LAMA5: variants seen among roughly 807,000 people sequenced by gnomAD.
LAMA5 encodes the protein laminin subunit alpha-5.
A neutral mutation model predicts 433.4 loss-of-function variants in LAMA5; 260 were observed. The observed-to-expected ratio is 0.60, with a 90% CI of 0.54 to 0.66. LAMA5 has a LOEUF of 0.66. Among genes scored for constraint, LAMA5 ranks in the 30% least tolerant of loss-of-function variants. LAMA5 has a pLI of 0.00. For synonymous variants in LAMA5, 2,620 were observed against 2,226.6 expected, an observed-to-expected ratio of 1.18 and a Z score of -4.97; for missense variants, 5,378 against 5,258.5, an observed-to-expected ratio of 1.02 and a Z score of -0.70.
chr20:62,323,503 C>A lies in LAMA5; in HGVS notation c.6017G>T (p.Cys2006Phe). 2 of 1,561,308 alleles carry A rather than the reference C, an allele frequency of 1.3e-6. No individual in the cohort carries two copies. Among genetic ancestry groups the A allele is most frequent in the Non-Finnish European group, 1.7e-6 (2 of 1,155,424 alleles). The change falls in exon 45 of 80, where the codon TGT becomes TTT. Residue 2006 changes from cysteine to phenylalanine, a missense_variant. Cys to Phe is a radical substitution (Grantham distance 205). Transcript: ENST00000252999. ...GGCGTTGCCGTAGAAGCCGGGGGCA[C>A]AGATCTCGCAGCGGGGCCCAGTGGT... ...RHTTGPRCEI[C>F]APGFYGNALL...
chr20:62,350,411 CT>C (rs1984109951), intron 6 of LAMA5, among the ~76,000 whole-genome samples: 1 of 152,146 alleles, frequency 6.6e-6, no homozygotes, highest in Non-Finnish European at 1.5e-5. Flanking sequence ...CACTCCTCCC[CT>C]CAGACCCACC....
At position 62,317,393 on chromosome 20, in the gene LAMA5, G is replaced by A; in HGVS notation, c.7463C>T (p.Ala2488Val). ...GCCCAGCTGCTGTGCGTGGGCCTCG[G>A]CGGCCTCCACTAGACGCAGCTTGCT... Reference protein sequence around the residue: ...AGSKLRLVEAAEAHAQQLGQL... With the variant: ...AGSKLRLVEAVEAHAQQLGQL... Residue 2488 changes from alanine to valine, a missense_variant, in exon 55 of 80, where the codon GCC becomes GTC. Coordinates refer to ENST00000252999, the MANE Select transcript of LAMA5 (RefSeq NM_005560.6). 6.2e-7 allele frequency: 1 copy of A among 1,610,160 alleles called. No homozygotes were observed. Among genetic ancestry groups the A allele is most frequent in the Non-Finnish European group, 8.5e-7 (1 of 1,179,162 alleles).
Position 62,318,968 on chromosome 20 carries a change from G to A in LAMA5, c.6917C>T (p.Ala2306Val), listed in dbSNP as rs1474137549. The change falls in exon 52 of 80, where the codon GCT (alanine) becomes GTT (valine). Residue 2306 changes from alanine (A) to valine (V), a missense_variant. Transcript: ENST00000252999. The part of the protein sequence containing the change: ...TGHLGLANAS[A>V]PSGEQLLRTL... ...CCGGAGCAGCTGCTCACCTGATGGAGCCGAGGCATTGGCCAGCCCCAGGTG... is the reference window on the plus strand; with the variant it reads ...CCGGAGCAGCTGCTCACCTGATGGAACCGAGGCATTGGCCAGCCCCAGGTG... 3.8e-6 allele frequency: 6 copies of A among 1,594,624 alleles called. No individual in the cohort carries two copies. The highest frequency in any genetic ancestry group is 2.3e-5 in the East Asian group (1 of 44,226).
In LAMA5 at chr20:62,310,933, C is replaced by T. The variant is rs370379527; in HGVS notation, c.10250G>A (p.Arg3417His). 42 of 1,610,808 alleles carry T rather than the reference C, an allele frequency of 2.6e-5. No homozygotes were observed. The highest frequency in any genetic ancestry group is 3.4e-5 in the Non-Finnish European group (40 of 1,179,440). ...GLGTRLRAQS[R>H]QRSRPGRWHK... ...CCAGCGGCCAGGCCGGGAGCGCTGG[C>T]GGCTCTGGGCGCGGAGCCGAGTCCC... The change falls in exon 74 of 80, where the codon CGC (arginine) becomes CAC (histidine). Residue 3417 changes from arginine to histidine, a missense_variant. Arg to His is a conservative substitution (Grantham distance 29). Transcript: ENST00000252999.
chr20:62,312,209 G>T lies in LAMA5; in HGVS notation c.9468C>A (p.Ala3156=). 6.2e-7 allele frequency: 1 copy of T among 1,610,682 alleles called. No individual in the cohort carries two copies. Among genetic ancestry groups the T allele is most frequent in the Non-Finnish European group, 8.5e-7 (1 of 1,179,260 alleles). The change falls in exon 69 of 80, where the codon GCC becomes GCA. Residue 3156 remains alanine (A), a synonymous_variant. Coordinates refer to ENST00000252999, the MANE Select transcript of LAMA5 (RefSeq NM_005560.6). ...NVYSGFGFHS[A]QDSALLYYRA... is the part of the protein sequence containing the mutation. ...GGTAGTAGAGCAGGGCACTGTCCTG[G>T]GCGCTGTGGAAGCCGAAGCCGGAGT... is the stretch of plus-strand genomic sequence containing the variant.
In LAMA5 at chr20:62,346,705, C is replaced by T. The variant is rs1983431225; in HGVS notation, c.1168G>A (p.Gly390Arg). 1 of 1,613,190 alleles carries T rather than the reference C, an allele frequency of 6.2e-7. No individual in the cohort carries two copies. The highest frequency in any genetic ancestry group is 1.6e-4 in the Middle Eastern group (1 of 6,084). ...ACCTGGCAGTCGATACAGACACCCC[C>T]ACCCTGATAGGTGCCATCCAGGCTC... ...SQSLDGTYQGGGVCIDCQHHT... is the reference protein window; with the variant it reads ...SQSLDGTYQGRGVCIDCQHHT... Residue 390 changes from glycine (G) to arginine (R), a missense_variant, in exon 8 of 80, where the codon GGG becomes AGG. Gly to Arg is a moderately radical substitution (Grantham distance 125, BLOSUM62 -2). Coordinates refer to ENST00000252999, the MANE Select transcript of LAMA5 (RefSeq NM_005560.6).
At chr20:62,316,128 C>T (rs1206848948) in intron 57 of LAMA5, 70 bp from the exon 58 acceptor site, 3 of 1,064,554 alleles carry the variant, frequency 2.8e-6, no homozygotes, top group Non-Finnish European at 4.2e-6. Context: ...CACCTCCACC[C>T]TTCTGACCCC....
At chr20:62,328,212 GC>G in intron 35 of LAMA5, 28 bp downstream of exon 35, 1 of 1,565,846 alleles carries the variant, frequency 6.4e-7, no homozygotes, top group African/African-American at 1.3e-5. Context: ...GCCACCAGGG[GC>G]CGCGCTGACG....
intron 18 of LAMA5, among the ~76,000 whole-genome samples, chr20:62,335,488 A>G (rs1601363717): frequency 8.4e-6 from 1 of 118,378 alleles, no homozygotes; most frequent in Non-Finnish European, 1.8e-5. Context: ...AGAGCACACT[A>G]TAGGCTCCAG....
Position 62,359,512 on chromosome 20 carries a change from C to T in LAMA5, c.450+2888G>A, listed in dbSNP as rs549882224. On this transcript the variant is annotated intron_variant, in intron 2 of 79. Transcript: ENST00000252999. The surrounding 1 kb of genome is among the most constrained non-coding windows in gnomAD (Gnocchi z 4.3). ...GGGCCTGGGGCCTGGGTGTGGTTCT[C>T]GGAAGAAGGAGCCTGAGGCCAGTGA... Among the ~76,000 whole-genome samples the T allele has an allele frequency of 4.6e-5, 7 of 151,970 alleles. No individual in the cohort carries two copies. The highest frequency in any genetic ancestry group is 9.7e-5 in the African/African-American group (4 of 41,356).
At chr20:62,327,736 C>T (rs1979564736) in intron 36 of LAMA5, 67 bp from the exon 37 acceptor site, 3 of 1,594,352 alleles carry the variant, frequency 1.9e-6, no homozygotes, top group Non-Finnish European at 2.6e-6. Flanking sequence ...TTCCTGGTAC[C>T]CACCTGCCAA....
intron 2 of LAMA5, 102 bp from the exon 3 acceptor site, chr20:62,353,353 G>A: frequency 1.2e-6 from 1 of 821,752 alleles, no homozygotes; most frequent in South Asian, 1.7e-5. Context: ...CACAGCAGGG[G>A]ATGTGGCACC....
rs1304400852 is a variant in LAMA5 at position 62,324,786 on chromosome 20, G to A, written c.5530-232C>T. The A allele has an allele frequency of 3.7e-6, 2 of 541,578 alleles. No individual in the cohort carries two copies. Among genetic ancestry groups the A allele is most frequent in the African/African-American group, 3.8e-5 (2 of 52,612 alleles). 33.5% of individuals were successfully genotyped at this position (541,578 alleles called of 1,614,324 possible). On this transcript the variant is annotated intron_variant, in intron 41 of 79. Coordinates refer to ENST00000252999, the MANE Select transcript of LAMA5 (RefSeq NM_005560.6). This position sits in a 1 kb window ranked among gnomAD's most constrained non-coding sequence, Gnocchi z 4.4. ...ACATAGCTCTCAAAGCCACACGGAT[G>A]TCCTGTCTCGGGAATGACCAGGCCT...
At position 62,338,336 on chromosome 20, in the gene LAMA5, T is replaced by C. The variant is rs770516023; in HGVS notation, c.1652A>G (p.Asp551Gly). Residue 551 changes from aspartate to glycine, a missense_variant, in exon 13 of 80, where the codon GAC becomes GGC. Coordinates refer to ENST00000252999, the MANE Select transcript of LAMA5 (RefSeq NM_005560.6). ...CQCSSPGVAD[D>G]RCDPDTGQCR... is the part of the protein sequence containing the mutation. ...CTGGCCTGTGTCAGGGTCACAGCGG[T>C]CATCGGCCACTCCAGGGCTGGAACA... is the stretch of plus-strand genomic sequence containing the variant. The C allele has an allele frequency of 2.5e-6, 4 of 1,608,656 alleles. No homozygotes were observed. In the East Asian group the frequency reaches 8.9e-5, roughly 36 times the overall value.
At chr20:62,334,488 G>A (rs1172671850) in intron 21 of LAMA5, 34 bp downstream of exon 21, 67 of 1,526,304 alleles carry the variant, frequency 4.4e-5, no homozygotes, top group Middle Eastern at 2.1e-4. Context: ...TGCCTGCCCC[G>A]CTCCCCACCA....
rs202176369 is a variant in LAMA5 at position 62,327,652 on chromosome 20, G to A, written c.4815C>T (p.Pro1605=). 1.2e-6 allele frequency: 2 copies of A among 1,613,114 alleles called. No individual in the cohort carries two copies. Among genetic ancestry groups the A allele is most frequent in the East Asian group, 2.2e-5 (1 of 44,882 alleles). ...TCCCAAGGCTGCACTGGTCACATTT[G>A]GGGCCCTGCACGTTCTCCTAGGGAT... ...QCYCKENVQG[P]KCDQCSLGTF... is the part of the protein sequence containing the mutation. Residue 1605 remains proline, a synonymous_variant, in exon 37 of 80, where the codon CCC becomes CCT. Coordinates refer to ENST00000252999, the MANE Select transcript of LAMA5 (RefSeq NM_005560.6).
Position 62,310,172 on chromosome 20 carries a change from G to A in LAMA5, c.10734+6C>T, listed in dbSNP as rs529232290. 1.7e-5 allele frequency: 28 copies of A among 1,612,298 alleles called. 1 individual carries two copies. The South Asian group carries it at 3.0e-4, about 17-fold the overall frequency. On this transcript the variant is annotated splice_donor_region_variant and intron_variant, in intron 77 of 79. Transcript: ENST00000252999. ...TGCCCTGGCACGCCACCTCTGCCAG[G>A]CTTACTTGCTTCTCGGTCACCTGCA...
rs369158667 is a variant in LAMA5, at chr20:62,314,754, C to T, written c.8197-29G>A. 2.0e-5 allele frequency: 32 copies of T among 1,612,600 alleles called. No individual in the cohort carries two copies. The African/African-American group carries it at 3.7e-4, about 19-fold the overall frequency. On this transcript the variant is annotated intron_variant, in intron 60 of 79. Coordinates refer to ENST00000252999, the MANE Select transcript of LAMA5 (RefSeq NM_005560.6). ...CGGGGCACGGTCCATCAGCGTCCAC[C>T]ACCACCCTCCCTGATGTCCACCTTC...
Position 62,313,668 on chromosome 20 carries a change from C to T in LAMA5, c.8639G>A (p.Gly2880Glu), listed in dbSNP as rs1276680292. Residue 2880 changes from glycine (G) to glutamate (E), a missense_variant, in exon 63 of 80, where the codon GGG (glycine) becomes GAG (glutamate). Physicochemically the swap from Gly to Glu is moderately conservative, Grantham distance 98. Coordinates refer to ENST00000252999, the MANE Select transcript of LAMA5 (RefSeq NM_005560.6). ...GCTCACCGTGAAGGTACTGGGGTAC[C>T]CCCCGACGTAGAAGACGAAGTCGTC... ...RPDDFVFYVG[G>E]YPSTFTPPPL... 6.2e-7 allele frequency: 1 copy of T among 1,612,772 alleles called. No individual in the cohort carries two copies. Among genetic ancestry groups the T allele is most frequent in the East Asian group, 2.2e-5 (1 of 44,872 alleles).
Sources: gnomAD v4.1 joint callset for allele counts (sites outside exome capture counted in the v4.1 genomes callset) on GRCh38, gnomAD v4.1.1 for gene constraint, Gnocchi (gnomAD v3.1) non-coding constraint, MANE v1.5 for transcripts, NCBI Gene and HGNC (gene_info 2026-07-23, HGNC 2026-07-21) for gene names.